STXBP4: variants seen among roughly 807,000 people sequenced by gnomAD.
STXBP4 encodes the protein syntaxin binding protein 4.
Under a neutral mutation model 76.1 loss-of-function variants are expected in STXBP4, and 55 were observed. That is an observed-to-expected ratio of 0.72 (90% CI 0.58 to 0.91). The LOEUF is 0.91. Among genes scored for constraint, STXBP4 ranks in the 40% least tolerant of loss-of-function variants. The pLI is 0.00. For synonymous variants in STXBP4, 201 were observed against 220.2 expected (o/e 0.91, Z 0.77); for missense variants, 618 against 636.9 (o/e 0.97, Z 0.32).
intron 16 of STXBP4, among the ~76,000 whole-genome samples, chr17:55,097,475 A>G (rs931055218): frequency 1.3e-5 from 2 of 152,164 alleles, no homozygotes; most frequent in African/African-American, 2.4e-5. Flanking sequence ...CATCCTGGCT[A>G]ACACGGTGAA....
intron 12 of STXBP4, among the ~76,000 whole-genome samples, chr17:55,061,141 T>G (rs1158134247): frequency 6.6e-6 from 1 of 152,198 alleles, no homozygotes; most frequent in Non-Finnish European, 1.5e-5. Context: ...CAATTGAGGT[T>G]GAACATGAAT....
chr17:55,043,702 T>G (rs1289012983), intron 11 of STXBP4: 3 of 1,494,864 alleles, frequency 2.0e-6, no homozygotes, highest in East Asian at 4.9e-5. Context: ...TTTTTTTTCA[T>G]GTGCAGGGCT....
intron 12 of STXBP4, among the ~76,000 whole-genome samples, chr17:55,067,168 TCAGA>T (rs1287323654): frequency 6.6e-6 from 1 of 152,174 alleles, no homozygotes; most frequent in African/African-American, 2.4e-5. Flanking sequence ...GTTTTTACTC[TCAGA>T]CAGATTGTGT....
intron 16 of STXBP4, among the ~76,000 whole-genome samples, chr17:55,136,840 G>T (rs11658245): frequency 6.6e-6 from 1 of 151,908 alleles, no homozygotes; most frequent in African/African-American, 2.4e-5. Flanking sequence ...ATGTGCTTAC[G>T]CCTTAACGGA....
At chr17:55,114,726 A>T (rs934632746) in intron 16 of STXBP4, among the ~76,000 whole-genome samples, 1 of 152,014 alleles carries the variant, frequency 6.6e-6, no homozygotes, top group Non-Finnish European at 1.5e-5. Context: ...GTCAAGTAGC[A>T]TCAAGGCTGA....
the STXBP4 span, among the ~76,000 whole-genome samples, chr17:55,185,189 T>TTTCTTCTTCTTC: frequency 1.7e-3 from 147 of 87,752 alleles, 6 homozygotes; most frequent in Middle Eastern, 5.6e-3. Context: ...TCTTCTTCTT[T>TTTCTTCTTCTTC]TTCTTCTTCT....
the STXBP4 span, among the ~76,000 whole-genome samples, chr17:55,178,876 G>A: frequency 6.6e-6 from 1 of 152,090 alleles, no homozygotes; most frequent in African/African-American, 2.4e-5. Context: ...ACCCATACTG[G>A]GGAGGAAAAT....
intron 12 of STXBP4, among the ~76,000 whole-genome samples, chr17:55,051,146 A>T (rs1203367809): frequency 6.6e-6 from 1 of 152,168 alleles, no homozygotes; most frequent in East Asian, 1.9e-4. Flanking sequence ...AAAGAGTGAC[A>T]CTTCTCTAAG....
At chr17:55,181,783 A>G in the STXBP4 span, among the ~76,000 whole-genome samples, 3 of 152,230 alleles carry the variant, frequency 2.0e-5, no homozygotes, top group Non-Finnish European at 4.4e-5. Context: ...CCCTTAGGGT[A>G]TCTGCTGATT....
chr17:55,161,664 G>A lies in STXBP4; in HGVS notation c.*1753G>A, dbSNP rs2080338221. 1 of 152,110 alleles carries A rather than the reference G, an allele frequency of 6.6e-6. No individual in the cohort carries two copies. The highest frequency in any genetic ancestry group is 2.4e-5 in the African/African-American group (1 of 41,422). The allele number at this position is 152,110 out of a possible 1,614,324, so 9.4% of individuals were successfully genotyped here. A position where few individuals can be genotyped will look rare whatever the true frequency, so the allele number is the denominator to read the frequency against. ...TTGTACCACTTGCCGCCCTGTTTCT[G>A]TCAAATACCTAGTGAAAAAGGCCTA... is the stretch of plus-strand genomic sequence containing the variant. On this transcript the variant is annotated 3_prime_UTR_variant, in exon 18 of 18. Coordinates refer to ENST00000376352, the MANE Select transcript of STXBP4 (RefSeq NM_178509.6).
intron 16 of STXBP4, among the ~76,000 whole-genome samples, chr17:55,105,638 ATT>A (rs541274850): frequency 2.8e-5 from 4 of 141,418 alleles, no homozygotes; most frequent in East Asian, 2.1e-4. Flanking sequence ...CCCAGCTAAT[ATT>A]TTTTTTTTTT....
intron 10 of STXBP4, among the ~76,000 whole-genome samples, chr17:55,039,955 G>A (rs1466423496): frequency 1.3e-5 from 2 of 152,080 alleles, no homozygotes; most frequent in Non-Finnish European, 1.5e-5. Context: ...GGAATATTTT[G>A]GAGAGTGATA....
At chr17:55,027,803 T>A (rs2078442095) in intron 8 of STXBP4, among the ~76,000 whole-genome samples, 1 of 152,200 alleles carries the variant, frequency 6.6e-6, no homozygotes, top group African/African-American at 2.4e-5. Flanking sequence ...TTAGTATGGT[T>A]ACCTCTGGTG....
chr17:55,113,881 T>C (rs904620796), intron 16 of STXBP4, among the ~76,000 whole-genome samples: 3 of 152,128 alleles, frequency 2.0e-5, no homozygotes, highest in African/African-American at 7.2e-5. Flanking sequence ...GCTAACAGCA[T>C]GGGCTCAAGA....
chr17:55,200,031 T>C, the STXBP4 span, among the ~76,000 whole-genome samples: 2 of 152,254 alleles, frequency 1.3e-5, no homozygotes, highest in African/African-American at 4.8e-5. Context: ...CCTCCTGTTG[T>C]AAAGCCTTTT....
At chr17:55,051,901 C>T (rs1485878188) in intron 12 of STXBP4, among the ~76,000 whole-genome samples, 1 of 151,964 alleles carries the variant, frequency 6.6e-6, no homozygotes, top group Admixed American at 6.6e-5. Flanking sequence ...TGTATATATA[C>T]AGATGTTCCT....
intron 16 of STXBP4, among the ~76,000 whole-genome samples, chr17:55,114,242 C>G (rs1284948964): frequency 1.3e-5 from 2 of 151,942 alleles, no homozygotes; most frequent in Non-Finnish European, 2.9e-5. Context: ...GGAAGCCAAC[C>G]TTACTCCTGG....
intron 13 of STXBP4, among the ~76,000 whole-genome samples, chr17:55,073,773 C>T (rs1485447677): frequency 6.6e-6 from 1 of 152,090 alleles, no homozygotes; most frequent in African/African-American, 2.4e-5. Context: ...CGGTTACAGA[C>T]ACCTGCCACC....
chr17:55,100,702 C>T (rs1452506790), intron 16 of STXBP4, among the ~76,000 whole-genome samples: 3 of 152,144 alleles, frequency 2.0e-5, no homozygotes, highest in Admixed American at 2.0e-4. Flanking sequence ...TGGGTGGTTT[C>T]CATGATTCCT....
Sources: allele counts gnomAD v4.1 joint callset (sites outside exome capture counted in the v4.1 genomes callset), GRCh38; gene constraint gnomAD v4.1.1; transcripts MANE v1.5; gene names NCBI Gene and HGNC (gene_info 2026-07-23, HGNC 2026-07-21).